The following DPY19L4 variants were observed in gnomAD, a reference collection of about 807,000 sequenced individuals.
The protein encoded by DPY19L4 is dpy-19 like 4.
A neutral mutation model predicts 102.8 loss-of-function variants in DPY19L4; 97 were observed. The observed-to-expected ratio is 0.94, with a 90% CI of 0.80 to 1.12. The LOEUF is 1.12. Among genes scored for constraint, DPY19L4 ranks in the 50% most tolerant of loss-of-function variants. DPY19L4 has a pLI of 0.00. For missense variants in DPY19L4, 815 were observed against 850.4 expected, an observed-to-expected ratio of 0.96 and a Z score of 0.52; for synonymous variants, 252 against 283.1, an observed-to-expected ratio of 0.89 and a Z score of 1.10.
At position 94,788,027 on chromosome 8, in the gene DPY19L4, A is replaced by G. The variant is rs778765025; in HGVS notation, c.1982A>G (p.Asp661Gly). ...VGPMRGCRVK[D>G]LLDIANGHMV... ...CCCATGAGAGGCTGTAGGGTTAAAG[A>G]TTTATTAGACATTGCAAATGGCCAC... The change falls in exon 18 of 19, where the codon GAT becomes GGT. Residue 661 changes from aspartate to glycine, a missense_variant. Asp to Gly is a moderately conservative substitution (Grantham distance 94). Transcript: ENST00000414645. The G allele has an allele frequency of 2.7e-6, 4 of 1,481,370 alleles. No individual in the cohort carries two copies. Among genetic ancestry groups the G allele is most frequent in the South Asian group, 1.5e-5 (1 of 68,240 alleles). 91.8% of individuals were successfully genotyped at this position (1,481,370 alleles called of 1,614,324 possible).
chr8:94,780,277 G>T, intron 14 of DPY19L4, 82 bp from the exon 15 acceptor site: 2 of 1,051,578 alleles, frequency 1.9e-6, no homozygotes, highest in Non-Finnish European at 2.6e-6. Flanking sequence ...ATATATGATT[G>T]GTCATAGAAT....
At position 94,744,376 on chromosome 8, in the gene DPY19L4, C is replaced by G. The variant is rs1392804656; in HGVS notation, c.611+4586C>G. 6.6e-6 allele frequency: 3 copies of G among 456,696 alleles called. No individual in the cohort carries two copies. The Admixed American group carries it at 7.0e-5, about 11-fold the overall frequency. The allele number at this position is 456,696 out of a possible 1,614,324, so 28.3% of individuals were successfully genotyped here. A position where few individuals can be genotyped will look rare whatever the true frequency, so the allele number is the denominator to read the frequency against. On this transcript the variant is annotated intron_variant, in intron 6 of 18. Transcript: ENST00000414645. ...GCAACTTGGCAGCTGGTCTCCCTTACAGTGAATGATCCAAGAGAGTATGAG... is the reference window on the plus strand; with the variant it reads ...GCAACTTGGCAGCTGGTCTCCCTTAGAGTGAATGATCCAAGAGAGTATGAG...
In DPY19L4 at chr8:94,756,073, A is replaced by C; in HGVS notation, c.649A>C (p.Arg217=). The part of the protein sequence containing the change: ...TTRIEYSIPL[R]ENWALPYFAC... ...AAGAATTGAATACTCCATTCCTTTA[A>C]GAGAAAACTGGGCACTACCATATTT... The change falls in exon 7 of 19, where the codon AGA becomes CGA. Residue 217 remains arginine, a synonymous_variant. Transcript: ENST00000414645. The C allele has an allele frequency of 6.2e-7, 1 of 1,613,270 alleles. No individual in the cohort carries two copies. Among genetic ancestry groups the C allele is most frequent in the Non-Finnish European group, 8.5e-7 (1 of 1,179,904 alleles).
Position 94,738,462 on chromosome 8 carries a change from A to G in DPY19L4, c.343+3A>G. ...AAAGGCACCTTCATTTGAAAGAGGT[A>G]TGATAATCACAGTTATATTTTTAAT... is the stretch of plus-strand genomic sequence containing the variant. On this transcript the variant is annotated splice_donor_region_variant and intron_variant, in intron 4 of 18. Transcript: ENST00000414645. 1.4e-6 allele frequency: 2 copies of G among 1,473,798 alleles called. No individual in the cohort carries two copies. Among genetic ancestry groups the G allele is most frequent in the Non-Finnish European group, 1.8e-6 (2 of 1,091,916 alleles). The allele number at this position is 1,473,798 out of a possible 1,614,324, so 91.3% of individuals were successfully genotyped here.
At chr8:94,789,426 C>G (rs1030135986) in intron 18 of DPY19L4, among the ~76,000 whole-genome samples, 1 of 152,078 alleles carries the variant, frequency 6.6e-6, no homozygotes, top group Admixed American at 6.6e-5. Flanking sequence ...ATTTCTCAGC[C>G]TTGGTAGGGT....
At chr8:94,753,535 A>G (rs1050551921) in intron 6 of DPY19L4, among the ~76,000 whole-genome samples, 2 of 152,172 alleles carry the variant, frequency 1.3e-5, no homozygotes, top group African/African-American at 2.4e-5. Flanking sequence ...CTAAACAGAA[A>G]ATGGTCAAAA....
At chr8:94,766,860 A>G (rs891159558) in intron 11 of DPY19L4, among the ~76,000 whole-genome samples, 175 bp downstream of exon 11, 2 of 152,010 alleles carry the variant, frequency 1.3e-5, no homozygotes, top group African/African-American at 4.8e-5. Flanking sequence ...TCTGGGCAAC[A>G]TGGCAAAACC....
chr8:94,746,054 A>ATTTTT (rs35095979), intron 6 of DPY19L4, among the ~76,000 whole-genome samples: 2 of 67,118 alleles, frequency 3.0e-5, no homozygotes, highest in African/African-American at 6.5e-5. Flanking sequence ...ATGCCTGGCC[A>ATTTTT]TTTTTTTTTT....
At chr8:94,769,253 G>T (rs1000946294) in intron 12 of DPY19L4, among the ~76,000 whole-genome samples, 3 of 151,560 alleles carry the variant, frequency 2.0e-5, no homozygotes, top group African/African-American at 7.3e-5. Context: ...TAGAGATGGG[G>T]TTTCTCCATG....
chr8:94,752,718 G>A lies in DPY19L4; in HGVS notation c.612-3318G>A, dbSNP rs1586360007. On this transcript the variant is annotated intron_variant, in intron 6 of 18. Coordinates refer to ENST00000414645, the MANE Select transcript of DPY19L4 (RefSeq NM_181787.3). Reference sequence around the variant, plus strand: ...CTCGCTCTGTCACCCAGGCTGGAGTGCAGCGACGTGATCTTGGCTCACTGC... The same window carrying A: ...CTCGCTCTGTCACCCAGGCTGGAGTACAGCGACGTGATCTTGGCTCACTGC... Among the ~76,000 whole-genome samples the A allele has an allele frequency of 2.0e-5, 3 of 149,294 alleles. No individual in the cohort carries two copies. In the East Asian group the frequency reaches 6.0e-4, roughly 30 times the overall value.
rs1422917453 is a variant in DPY19L4, at chr8:94,765,834, T to C, written c.1101+25T>C. ...GGTAAGTAACTCTCTGGGATTCATA[T>C]AGTAAAACAAAATGAATAATGAAAT... On this transcript the variant is annotated intron_variant, in intron 10 of 18. Coordinates refer to ENST00000414645, the MANE Select transcript of DPY19L4 (RefSeq NM_181787.3). The C allele has an allele frequency of 7.4e-6, 10 of 1,346,842 alleles. No homozygotes were observed. The African/African-American group carries it at 8.8e-5, about 12-fold the overall frequency. The allele number at this position is 1,346,842 out of a possible 1,614,324, so 83.4% of individuals were successfully genotyped here.
At chr8:94,736,113 T>C (rs1325323200) in intron 3 of DPY19L4, among the ~76,000 whole-genome samples, 1 of 152,150 alleles carries the variant, frequency 6.6e-6, no homozygotes, top group Non-Finnish European at 1.5e-5. Context: ...ATAGCAGGGA[T>C]CATCTTGCTG....
At position 94,793,735 on chromosome 8, in the gene DPY19L4, G is replaced by A. The variant is rs79073746; in HGVS notation, c.*3825G>A. 1 of 152,076 alleles carries A rather than the reference G, an allele frequency of 6.6e-6. No homozygotes were observed. Among genetic ancestry groups the A allele is most frequent in the Admixed American group, 6.5e-5 (1 of 15,282 alleles). 9.4% of individuals were successfully genotyped at this position (152,076 alleles called of 1,614,324 possible). On this transcript the variant is annotated 3_prime_UTR_variant, in exon 19 of 19. Transcript: ENST00000414645. ...AGAATTAACACTTTAAAATAAACAG[G>A]TGTGAAAATTATAAAGGAATATATA...
chr8:94,764,729 T>A (rs1440997346), intron 8 of DPY19L4, among the ~76,000 whole-genome samples: 26 of 101,572 alleles, frequency 2.6e-4, no homozygotes, highest in African/African-American at 5.5e-4. Context: ...TTTTTTTTTT[T>A]TTTTTTTTTT....
intron 2 of DPY19L4, among the ~76,000 whole-genome samples, chr8:94,731,039 C>G (rs1388871115): frequency 7.1e-6 from 1 of 141,516 alleles, no homozygotes; most frequent in Non-Finnish European, 1.5e-5. Flanking sequence ...GCCACCACTC[C>G]CGGCCAACTC....
At chr8:94,722,706 C>T (rs1810520075) in intron 1 of DPY19L4, among the ~76,000 whole-genome samples, 1 of 152,088 alleles carries the variant, frequency 6.6e-6, no homozygotes, top group Admixed American at 6.6e-5. Context: ...GTTTATTTGT[C>T]ACTCTATACT....
chr8:94,744,384 G>A (rs1377135668), intron 6 of DPY19L4: 1 of 456,722 alleles, frequency 2.2e-6, no homozygotes, highest in Non-Finnish European at 4.4e-6. Flanking sequence ...TACAGTGAAT[G>A]ATCCAAGAGA....
intron 7 of DPY19L4, 37 bp downstream of exon 7, chr8:94,756,196 T>G: frequency 6.3e-7 from 1 of 1,595,822 alleles, no homozygotes; most frequent in Non-Finnish European, 8.5e-7. Context: ...TGCAGCTAAT[T>G]CTGATGTATT....
At chr8:94,757,508 C>G (rs1586369483) in intron 7 of DPY19L4, among the ~76,000 whole-genome samples, 1 of 152,022 alleles carries the variant, frequency 6.6e-6, no homozygotes, top group East Asian at 1.9e-4. Flanking sequence ...GTCCCGGGCT[C>G]AAGCGATTCT....
Sources: allele counts gnomAD v4.1 joint callset (sites outside exome capture counted in the v4.1 genomes callset), GRCh38; gene constraint gnomAD v4.1.1; transcripts MANE v1.5; gene names NCBI Gene and HGNC (gene_info 2026-07-23, HGNC 2026-07-21).